AKR1D1: variants seen among roughly 807,000 people sequenced by gnomAD.
The protein encoded by AKR1D1 is delta(4)-3-ketosteroid 5-beta-reductase.
A neutral mutation model predicts 42.6 loss-of-function variants in AKR1D1; 32 were observed. The ratio of observed to expected loss-of-function variants is 0.75; its 90% CI spans 0.57 to 1.01. AKR1D1 has a LOEUF of 1.01. Ranked by LOEUF, AKR1D1 falls within the 50% of genes least tolerant of loss-of-function variation. AKR1D1 has a pLI of 0.00. For missense variants in AKR1D1, 364 were observed against 402.2 expected (o/e 0.91, Z 0.81); for synonymous variants, 123 against 135.5 (o/e 0.91, Z 0.64).
intron 3 of AKR1D1, among the ~76,000 whole-genome samples, chr7:138,095,579 G>A (rs964246776): frequency 6.6e-6 from 1 of 152,204 alleles, no homozygotes; most frequent in African/African-American, 2.4e-5. Context: ...AGACTGGAGT[G>A]CAGTGGCATG....
intron 1 of AKR1D1, among the ~76,000 whole-genome samples, chr7:138,080,568 T>C (rs993232058): frequency 1.1e-4 from 17 of 152,220 alleles, no homozygotes; most frequent in Admixed American, 1.1e-3. Context: ...ATTTGGAATA[T>C]GCATATACAA....
chr7:138,109,530 G>A (rs1249379297), intron 7 of AKR1D1, among the ~76,000 whole-genome samples: 1 of 152,126 alleles, frequency 6.6e-6, no homozygotes, highest in Non-Finnish European at 1.5e-5. Context: ...ATTACCCACT[G>A]TGGCCACTGA....
chr7:138,091,331 A>G, intron 2 of AKR1D1: 1 of 234,200 alleles, frequency 4.3e-6, no homozygotes, highest in East Asian at 1.1e-4. Flanking sequence ...TTGAAGCTGC[A>G]CTCTCAGTGG....
In AKR1D1 at chr7:138,088,593, C is replaced by T. The variant is rs200803153; in HGVS notation, c.94-8C>T. Reference sequence around the variant, plus strand: ...TTTTCCCCAAACCCAACCTCTTTGTCACTTCAGACCCCTAAGGGAGCCTGT... The same window carrying T: ...TTTTCCCCAAACCCAACCTCTTTGTTACTTCAGACCCCTAAGGGAGCCTGT... On this transcript the variant is annotated splice_region_variant and splice_polypyrimidine_tract_variant and intron_variant, in intron 1 of 8. Coordinates refer to ENST00000242375, the MANE Select transcript of AKR1D1 (RefSeq NM_005989.4). 1 of 1,614,112 alleles carries T rather than the reference C, an allele frequency of 6.2e-7. No individual in the cohort carries two copies. The highest frequency in any genetic ancestry group is 1.3e-5 in the African/African-American group (1 of 75,054).
At chr7:138,113,524 C>G (rs1417437656) in intron 7 of AKR1D1, among the ~76,000 whole-genome samples, 166 bp from the exon 8 acceptor site, 3 of 152,108 alleles carry the variant, frequency 2.0e-5, no homozygotes, top group Non-Finnish European at 4.4e-5. Context: ...AAGGGCAGAA[C>G]AGAGTATCCA....
chr7:138,092,063 A>ACCATGAGCCAATAGCTATGT (rs1794095454), intron 3 of AKR1D1, among the ~76,000 whole-genome samples, 179 bp downstream of exon 3: 1 of 143,408 alleles, frequency 7.0e-6, no homozygotes, highest in African/African-American at 3.0e-5. Flanking sequence ...GCATGAAGCT[A>ACCATGAGCCAATAGCTATGT]GCGTATTACT....
rs1426767993 is a variant in AKR1D1, at chr7:138,097,918, A to G, written c.431A>G (p.Lys144Arg). The change falls in exon 4 of 9, where the codon AAG becomes AGG. Residue 144 changes from lysine to arginine, a missense_variant. Physicochemically the swap from Lys to Arg is conservative, Grantham distance 26 (BLOSUM62 2). Coordinates refer to ENST00000242375, the MANE Select transcript of AKR1D1 (RefSeq NM_005989.4). ...GAGAATGGCAAATGGTTATATCACA[A>G]GTCAAATCTGTGTGCCACTTGGGAG... is the stretch of plus-strand genomic sequence containing the variant. ...RDENGKWLYHKSNLCATWEAM... is the reference protein window; with the variant it reads ...RDENGKWLYHRSNLCATWEAM... 1.2e-6 allele frequency: 2 copies of G among 1,612,534 alleles called. No individual in the cohort carries two copies. The highest frequency in any genetic ancestry group is 1.3e-5 in the African/African-American group (1 of 74,828).
At chr7:138,092,062 T>TC (rs1562933163) in intron 3 of AKR1D1, among the ~76,000 whole-genome samples, 178 bp downstream of exon 3, 3 of 152,216 alleles carry the variant, frequency 2.0e-5, no homozygotes, top group African/African-American at 7.2e-5. Flanking sequence ...TGCATGAAGC[T>TC]AGCGTATTAC....
intron 1 of AKR1D1, among the ~76,000 whole-genome samples, chr7:138,080,815 T>C (rs1001744039): frequency 2.6e-5 from 4 of 152,208 alleles, no homozygotes; most frequent in Non-Finnish European, 5.9e-5. Flanking sequence ...GGACAGGATC[T>C]CACTATGTTG....
chr7:138,102,279 A>G (rs956687839), intron 4 of AKR1D1, among the ~76,000 whole-genome samples: 11 of 147,642 alleles, frequency 7.5e-5, no homozygotes, highest in African/African-American at 2.8e-4. Flanking sequence ...TTTTTGAAAA[A>G]GAGCAATAGC....
chr7:138,117,361 A>C lies in AKR1D1; in HGVS notation c.*699A>C, dbSNP rs1794654494. 1 of 152,792 alleles carries C rather than the reference A, an allele frequency of 6.5e-6. No homozygotes were observed. The highest frequency in any genetic ancestry group is 1.5e-5 in the Non-Finnish European group (1 of 68,054). The allele number at this position is 152,792 out of a possible 1,614,324, so 9.5% of individuals were successfully genotyped here. ...TCAACATGGCTGCTGATCCATACTT[A>C]CACATCTTACTGTCAATCTTGCCTA... On this transcript the variant is annotated 3_prime_UTR_variant, in exon 9 of 9. Transcript: ENST00000242375.
chr7:138,086,149 G>A (rs1803172452), intron 1 of AKR1D1, among the ~76,000 whole-genome samples: 1 of 152,094 alleles, frequency 6.6e-6, no homozygotes, highest in African/African-American at 2.4e-5. Flanking sequence ...GCTGCAGTGA[G>A]CCATAATCGT....
rs137959289 is a variant in AKR1D1, at chr7:138,083,411, T to C, written c.94-5190T>C. Among the ~76,000 whole-genome samples the C allele has an allele frequency of 9.0e-4, 137 of 152,274 alleles. 1 individual carries two copies. The highest frequency in any genetic ancestry group is 3.1e-3 in the African/African-American group (130 of 41,566). ...TAGGTTTTTCTTTGGGGTTTTTTGT[T>C]TTGTTTTGTTTTGTTTGTTTTTGCT... On this transcript the variant is annotated intron_variant, in intron 1 of 8. Transcript: ENST00000242375.
chr7:138,108,905 G>T (rs1243572370), intron 7 of AKR1D1, among the ~76,000 whole-genome samples: 1 of 152,132 alleles, frequency 6.6e-6, no homozygotes, highest in Non-Finnish European at 1.5e-5. Flanking sequence ...ACATCATGTT[G>T]TATATGATAA....
intron 1 of AKR1D1, among the ~76,000 whole-genome samples, chr7:138,078,305 G>A (rs188125207): frequency 4.6e-5 from 7 of 152,254 alleles, no homozygotes; most frequent in African/African-American, 1.4e-4. Context: ...ATCATCTAAA[G>A]TTTAGAAGCA....
At chr7:138,101,191 C>CCCTTCCTTCCTTCCTT (rs1222751373) in intron 4 of AKR1D1, among the ~76,000 whole-genome samples, 35 of 20,580 alleles carry the variant, frequency 1.7e-3, no homozygotes, top group African/African-American at 8.0e-3. Flanking sequence ...CTCCCTCCCT[C>CCCTTCCTTCCTTCCTT]CCTTCCTTCC....
intron 4 of AKR1D1, among the ~76,000 whole-genome samples, chr7:138,102,074 A>G (rs942459984): frequency 1.3e-5 from 2 of 152,050 alleles, no homozygotes; most frequent in African/African-American, 4.8e-5. Flanking sequence ...AGCCAGGCAT[A>G]GTGGCGCCCA....
In AKR1D1 at chr7:138,104,683, A is replaced by G. The variant is rs1246644006; in HGVS notation, c.457-624A>G. Among the ~76,000 whole-genome samples the G allele has an allele frequency of 6.0e-4, 9 of 15,100 alleles. No homozygotes were observed. In the East Asian group the frequency reaches 0.016, roughly 26 times the overall value. 9.9% of individuals were successfully genotyped at this position (15,100 alleles called of 152,430 possible). ...CAACAAGAGCAAAACTCCATCTCGG[A>G]AAAAAAAAAAAAAAAGTGCCCAGGT... is the stretch of plus-strand genomic sequence containing the variant. On this transcript the variant is annotated intron_variant, in intron 4 of 8. Transcript: ENST00000242375.
At chr7:138,103,299 T>G (rs1049972237) in intron 4 of AKR1D1, among the ~76,000 whole-genome samples, 21 of 152,214 alleles carry the variant, frequency 1.4e-4, no homozygotes, top group African/African-American at 4.6e-4. Flanking sequence ...ATAAAAATAT[T>G]AAGATCAAAT....
Sources: allele counts gnomAD v4.1 joint callset (sites outside exome capture counted in the v4.1 genomes callset), GRCh38; gene constraint gnomAD v4.1.1; transcripts MANE v1.5; gene names NCBI Gene and HGNC (gene_info 2026-07-23, HGNC 2026-07-21).